Variants in PCCA observed in about 807,000 individuals in gnomAD.
PCCA encodes propionyl-CoA carboxylase subunit alpha, also known as propionyl-CoA carboxylase alpha chain, mitochondrial.
PCCA carries 74 observed loss-of-function variants against 101.3 expected under a neutral mutation model. That is an observed-to-expected ratio of 0.73 (90% CI 0.61 to 0.89). The LOEUF is 0.89. Ranked by LOEUF, PCCA falls within the 40% of genes least tolerant of loss-of-function variation. The pLI, the probability that PCCA is intolerant of heterozygous loss-of-function variation, is 0.00. For missense variants in PCCA, 891 were observed against 907.0 expected, an observed-to-expected ratio of 0.98 and a Z score of 0.23; for synonymous variants, 294 against 313.6, an observed-to-expected ratio of 0.94 and a Z score of 0.66.
intron 4 of PCCA, among the ~76,000 whole-genome samples, chr13:100,124,420 T>TA (rs1436558993): frequency 3.3e-5 from 5 of 152,194 alleles, no homozygotes; most frequent in African/African-American, 4.8e-5. Flanking sequence ...ACTCACATCT[T>TA]ACCCAGGCAG....
chr13:100,457,424 T>C (rs543895253), intron 21 of PCCA, among the ~76,000 whole-genome samples: 1 of 152,270 alleles, frequency 6.6e-6, no homozygotes, highest in East Asian at 1.9e-4. Context: ...TAGATGCTGA[T>C]AGAAAACATG....
At chr13:100,249,724 C>T (rs1054625312) in intron 8 of PCCA, among the ~76,000 whole-genome samples, 1 of 152,112 alleles carries the variant, frequency 6.6e-6, no homozygotes, top group Admixed American at 6.5e-5. Context: ...ATTATCTCTA[C>T]ATTTAGATTT....
At chr13:100,524,399 G>C (rs943484819) in intron 22 of PCCA, among the ~76,000 whole-genome samples, 1 of 151,806 alleles carries the variant, frequency 6.6e-6, no homozygotes, top group African/African-American at 2.4e-5. Context: ...GTGTGTGTGT[G>C]TGTGTGTGTG....
At chr13:100,221,144 G>T (rs543088851) in intron 7 of PCCA, among the ~76,000 whole-genome samples, 1 of 152,292 alleles carries the variant, frequency 6.6e-6, no homozygotes, top group East Asian at 1.9e-4. Context: ...TTTGACTTAT[G>T]GACTTAGAAT....
intron 18 of PCCA, among the ~76,000 whole-genome samples, chr13:100,361,697 A>G (rs1475273022): frequency 6.6e-6 from 1 of 152,218 alleles, no homozygotes; most frequent in Non-Finnish European, 1.5e-5. Flanking sequence ...TGAAACTATG[A>G]TAAGATGCGG....
chr13:100,504,934 C>CAA (rs111257615), intron 21 of PCCA, among the ~76,000 whole-genome samples: 34 of 148,164 alleles, frequency 2.3e-4, no homozygotes, highest in South Asian at 8.7e-4. Context: ...GACTCTGTCT[C>CAA]AAAAAAAAAA....
chr13:100,371,881 A>T lies in PCCA; in HGVS notation c.1746+3307A>T, dbSNP rs1367353252. Among the ~76,000 whole-genome samples the T allele has an allele frequency of 2.0e-5, 3 of 152,222 alleles. No homozygotes were observed. The South Asian group carries it at 6.2e-4, about 32-fold the overall frequency. ...AGAGAGCCCATAAGTAAACCCTTGT[A>T]TGTATGGTCAAATGGCTTTTGACAA... On this transcript the variant is annotated intron_variant, in intron 19 of 23. Coordinates refer to ENST00000376285, the MANE Select transcript of PCCA (RefSeq NM_000282.4).
At chr13:100,243,369 T>C (rs2061261012) in intron 8 of PCCA, among the ~76,000 whole-genome samples, 2 of 152,228 alleles carry the variant, frequency 1.3e-5, no homozygotes, top group African/African-American at 4.8e-5. Context: ...TAAAGTTCTT[T>C]TGTAATATTT....
In PCCA at chr13:100,351,164, TAATAA is replaced by T. The variant is rs760550388; in HGVS notation, c.1643+10909_1643+10913del. On this transcript the variant is annotated intron_variant, in intron 18 of 23. Transcript: ENST00000376285. ...TAAATCAACACCATCAGTGCATTTA[TAATAA>T]AATGTCAAAAGATTAATTTCCATAA... is the stretch of plus-strand genomic sequence containing the variant. 9.1e-4 allele frequency among the ~76,000 whole-genome samples: 139 copies of T among 152,344 alleles called. 3 individuals carry two copies. The highest frequency in any genetic ancestry group is 3.5e-3 in the Admixed American group (53 of 15,292).
intron 19 of PCCA, among the ~76,000 whole-genome samples, chr13:100,369,755 G>T (rs1000755819): frequency 3.3e-5 from 5 of 152,182 alleles, no homozygotes; most frequent in Admixed American, 6.5e-5. Context: ...ATGAGATCTT[G>T]TGTGACTCTC....
At chr13:100,435,396 T>C (rs1193487656) in intron 20 of PCCA, among the ~76,000 whole-genome samples, 1 of 152,136 alleles carries the variant, frequency 6.6e-6, no homozygotes, top group Non-Finnish European at 1.5e-5. Context: ...CAGCAAGAGA[T>C]TTGGAGCGGA....
At chr13:100,182,084 GT>G in intron 6 of PCCA, among the ~76,000 whole-genome samples, 1 of 122,284 alleles carries the variant, frequency 8.2e-6, no homozygotes, top group Non-Finnish European at 1.7e-5. Context: ...TACTAATATT[GT>G]TTTTTTCTTT....
At position 100,111,993 on chromosome 13, in the gene PCCA, G is replaced by T; in HGVS notation, c.232G>T (p.Val78Phe). The change falls in exon 4 of 24, where the codon GTT (valine) becomes TTT (phenylalanine). Residue 78 changes from valine to phenylalanine, a missense_variant and splice_region_variant. By Grantham distance (50) the Val-to-Phe change is conservative. Transcript: ENST00000376285. ...TAGACATTAATATATTTTAAAATAG[G>T]TTATTAGAACTTGCAAGAAGATGGG... ...VANRGEIACRVIRTCKKMGIK... is the reference protein window; with the variant it reads ...VANRGEIACRFIRTCKKMGIK... 1 of 1,602,638 alleles carries T rather than the reference G, an allele frequency of 6.2e-7. No homozygotes were observed. Among genetic ancestry groups the T allele is most frequent in the Non-Finnish European group, 8.5e-7 (1 of 1,171,044 alleles).
rs1382613414 is a variant in PCCA at position 100,530,165 on chromosome 13, G to A, written c.2186G>A (p.Ter729=). 1.9e-6 allele frequency: 3 copies of A among 1,612,106 alleles called. No individual in the cohort carries two copies. Among genetic ancestry groups the A allele is most frequent in the African/African-American group, 1.3e-5 (1 of 75,004 alleles). Residue 729 remains the stop codon, a stop_retained_variant, in exon 24 of 24, where the codon TGA becomes TAA. Transcript: ENST00000376285. ...GEGDLLVELE[*] ...GGGGATCTGCTCGTGGAGCTGGAAT[G>A]AAGGATTTATAACCTTTCAGTCATC...
chr13:100,422,904 A>G (rs1002177111), intron 19 of PCCA, among the ~76,000 whole-genome samples: 12 of 148,508 alleles, frequency 8.1e-5, no homozygotes, highest in East Asian at 2.0e-4. Context: ...CACGTTTCCT[A>G]TGGTTGCCTT....
rs557199369 is a variant in PCCA at position 100,483,508 on chromosome 13, C to A, written c.1900-31919C>A. On this transcript the variant is annotated intron_variant, in intron 21 of 23. Coordinates refer to ENST00000376285, the MANE Select transcript of PCCA (RefSeq NM_000282.4). ...AGTTCTGCTGCTCAGTACTCCTTCC[C>A]CAGGCAAAGACTCTTAAGTTAATAA... Among the ~76,000 whole-genome samples the A allele has an allele frequency of 4.6e-5, 7 of 152,294 alleles. 1 individual carries two copies. Among genetic ancestry groups the A allele is most frequent in the African/African-American group, 1.2e-4 (5 of 41,552 alleles).
chr13:100,387,778 C>T (rs1490324623), intron 19 of PCCA, among the ~76,000 whole-genome samples: 3 of 152,136 alleles, frequency 2.0e-5, no homozygotes, highest in Admixed American at 6.5e-5. Flanking sequence ...AGATCCTGCC[C>T]GTGTACTCTG....
intron 4 of PCCA, among the ~76,000 whole-genome samples, chr13:100,138,934 C>CAAAAAAAAAAAAAA (rs34466523): frequency 1.1e-4 from 9 of 83,070 alleles, no homozygotes; most frequent in Non-Finnish European, 2.1e-4. Context: ...AACTCCATCT[C>CAAAAAAAAAAAAAA]AAAAAAAAAA....
At chr13:100,291,037 C>T (rs970815266) in intron 12 of PCCA, among the ~76,000 whole-genome samples, 1 of 151,964 alleles carries the variant, frequency 6.6e-6, no homozygotes, top group African/African-American at 2.4e-5. Context: ...TAAAAAATAC[C>T]AATAAAAGCA....
Sources: gnomAD v4.1 joint callset for allele counts (sites outside exome capture counted in the v4.1 genomes callset) on GRCh38, gnomAD v4.1.1 for gene constraint, MANE v1.5 for transcripts, NCBI Gene and HGNC (gene_info 2026-07-23, HGNC 2026-07-21) for gene names.